Variants in FER observed in about 807,000 individuals in gnomAD.
The protein encoded by FER is FER tyrosine kinase, also known as tyrosine-protein kinase Fer.
A neutral mutation model predicts 111.0 loss-of-function variants in FER; 63 were observed. The observed-to-expected ratio is 0.57, with a 90% CI of 0.46 to 0.70. The LOEUF (loss-of-function observed/expected upper bound fraction) is 0.70, where lower values mean the gene tolerates loss of function less well. FER is among the 30% of genes least tolerant of loss of function. The pLI, the probability that FER is intolerant of heterozygous loss-of-function variation, is 0.00. For missense variants in FER, 914 were observed against 954.0 expected (o/e 0.96, Z 0.55); for synonymous variants, 327 against 313.9 (o/e 1.04, Z -0.44).
intron 17 of FER, among the ~76,000 whole-genome samples, chr5:109,176,269 T>TATAC (rs1488788814): frequency 6.6e-6 from 1 of 152,212 alleles, no homozygotes; most frequent in African/African-American, 2.4e-5. Context: ...ATGTGGTGTG[T>TATAC]ATACATACAT....
intron 13 of FER, among the ~76,000 whole-genome samples, chr5:108,981,411 C>T (rs73778371): frequency 0.2 from 29,659 of 151,742 alleles, 2,975 homozygotes; most frequent in Non-Finnish European, 0.22. Flanking sequence ...GGTATAAATA[C>T]ATATTCCCTC....
chr5:109,039,485 G>C (rs1770857868), intron 14 of FER, among the ~76,000 whole-genome samples: 1 of 152,128 alleles, frequency 6.6e-6, no homozygotes, highest in African/African-American at 2.4e-5. Flanking sequence ...TATAATGTTA[G>C]AGGGTGCTAA....
At chr5:109,173,453 G>A (rs917423653) in intron 17 of FER, among the ~76,000 whole-genome samples, 2 of 152,190 alleles carry the variant, frequency 1.3e-5, no homozygotes, top group African/African-American at 2.4e-5. Context: ...GAAATAACCC[G>A]ATAGAGAATA....
Position 109,190,126 on chromosome 5 carries a change from C to G in FER, c.*2551C>G, listed in dbSNP as rs1438776172. The G allele has an allele frequency of 6.6e-6, 1 of 152,098 alleles. No homozygotes were observed. The highest frequency in any genetic ancestry group is 1.5e-5 in the Non-Finnish European group (1 of 68,016). 9.4% of individuals were successfully genotyped at this position (152,098 alleles called of 1,614,324 possible). On this transcript the variant is annotated 3_prime_UTR_variant, in exon 20 of 20. Transcript: ENST00000281092. Reference sequence around the variant, plus strand: ...TGTGCTTGAAGCATAATTTATTCATCCCTTCTGTCACTGATAATTAATTAT... The same window carrying G: ...TGTGCTTGAAGCATAATTTATTCATGCCTTCTGTCACTGATAATTAATTAT...
At chr5:108,840,412 C>T (rs1039098837) in intron 5 of FER, among the ~76,000 whole-genome samples, 2 of 152,088 alleles carry the variant, frequency 1.3e-5, no homozygotes, top group African/African-American at 4.8e-5. Flanking sequence ...TCATTTCCTT[C>T]GTTGTTGTTG....
At chr5:109,153,969 G>A (rs544841293) in intron 17 of FER, among the ~76,000 whole-genome samples, 68 of 151,820 alleles carry the variant, frequency 4.5e-4, no homozygotes, top group South Asian at 8.3e-4. Context: ...AGGGAGCAGT[G>A]AATTACCATA....
rs565894735 is a variant in FER at position 109,131,501 on chromosome 5, T to C, written c.2048+30982T>C. 1.4e-3 allele frequency among the ~76,000 whole-genome samples: 215 copies of C among 152,300 alleles called. 1 individual carries two copies. The highest frequency in any genetic ancestry group is 5.8e-3 in the Admixed American group (88 of 15,278). On this transcript the variant is annotated intron_variant, in intron 17 of 19. Coordinates refer to ENST00000281092, the MANE Select transcript of FER (RefSeq NM_005246.4). ...GCTTTAGCATTAATAATATTAGTTA[T>C]GATAATTACCTTAAGCTTTCTTTAT...
At chr5:108,823,327 A>C (rs1307744667) in intron 3 of FER, among the ~76,000 whole-genome samples, 4 of 152,220 alleles carry the variant, frequency 2.6e-5, no homozygotes, top group Non-Finnish European at 4.4e-5. Flanking sequence ...ATCATATAAC[A>C]GTTCTATTTT....
At chr5:109,182,480 GT>G (rs1383058242) in intron 18 of FER, among the ~76,000 whole-genome samples, 3 of 152,066 alleles carry the variant, frequency 2.0e-5, no homozygotes, top group Non-Finnish European at 4.4e-5. Flanking sequence ...TAACTCTAGG[GT>G]CAGATTATAT....
intron 5 of FER, among the ~76,000 whole-genome samples, chr5:108,850,127 G>A (rs1762411890): frequency 6.6e-6 from 1 of 151,824 alleles, no homozygotes; most frequent in East Asian, 1.9e-4. Context: ...CCTGGGAGGT[G>A]GAGGTTGCAG....
intron 17 of FER, among the ~76,000 whole-genome samples, chr5:109,126,284 G>GA (rs1751711007): frequency 6.6e-6 from 1 of 152,124 alleles, no homozygotes; most frequent in African/African-American, 2.4e-5. Context: ...TAAGAACCCT[G>GA]CGGTTTGCAT....
At chr5:109,053,581 A>G (rs897924534) in intron 16 of FER, among the ~76,000 whole-genome samples, 4 of 150,238 alleles carry the variant, frequency 2.7e-5, no homozygotes, top group Admixed American at 2.7e-4. Context: ...TCTTAAAAAT[A>G]GAATCATGCA....
At chr5:109,019,941 T>G (rs1340609920) in intron 13 of FER, among the ~76,000 whole-genome samples, 4 of 151,964 alleles carry the variant, frequency 2.6e-5, no homozygotes, top group African/African-American at 9.7e-5. Flanking sequence ...GCAGTGCTGC[T>G]TTTTCCTAAT....
At chr5:108,995,432 A>C (rs545049514) in intron 13 of FER, among the ~76,000 whole-genome samples, 12 of 151,238 alleles carry the variant, frequency 7.9e-5, no homozygotes, top group Non-Finnish European at 1.5e-4. Context: ...CCACCCCCCA[A>C]CAGGCCCCAG....
chr5:108,902,208 A>G (rs909209770), intron 10 of FER, among the ~76,000 whole-genome samples: 2 of 152,234 alleles, frequency 1.3e-5, no homozygotes, highest in African/African-American at 4.8e-5. Flanking sequence ...AAGAATACAC[A>G]TCTTTAGAGC....
chr5:108,843,310 TGAAA>T (rs961056974), intron 5 of FER, among the ~76,000 whole-genome samples: 3 of 152,118 alleles, frequency 2.0e-5, no homozygotes, highest in African/African-American at 4.8e-5. Flanking sequence ...AAAAAAGAAA[TGAAA>T]GAAAGGTCTC....
At chr5:108,948,066 T>C (rs1757223555) in intron 11 of FER, among the ~76,000 whole-genome samples, 1 of 152,092 alleles carries the variant, frequency 6.6e-6, no homozygotes, top group Non-Finnish European at 1.5e-5. Flanking sequence ...TCACTGTTTA[T>C]GCAAATAAAC....
At chr5:108,837,883 CT>C (rs146955157) in intron 5 of FER, among the ~76,000 whole-genome samples, 2,602 of 152,096 alleles carry the variant, frequency 0.017, 79 homozygotes, top group African/African-American at 0.06. Flanking sequence ...TTATTTGAAT[CT>C]TTTTTTAAAA....
At chr5:109,127,035 G>T (rs574421105) in intron 17 of FER, among the ~76,000 whole-genome samples, 1 of 152,110 alleles carries the variant, frequency 6.6e-6, no homozygotes, top group Non-Finnish European at 1.5e-5. Flanking sequence ...ATGAAATCAC[G>T]TATTTCCAAT....
Sources: allele counts gnomAD v4.1 joint callset (sites outside exome capture counted in the v4.1 genomes callset), GRCh38; gene constraint gnomAD v4.1.1; transcripts MANE v1.5; gene names NCBI Gene and HGNC (gene_info 2026-07-23, HGNC 2026-07-21).